GPR137C: variants seen among roughly 807,000 people sequenced by gnomAD.
GPR137C encodes the protein G protein-coupled receptor 137C.
GPR137C carries 27 observed loss-of-function variants against 43.4 expected under a neutral mutation model. The ratio of observed to expected loss-of-function variants is 0.62; its 90% CI spans 0.46 to 0.86. GPR137C has a LOEUF of 0.86. Among genes scored for constraint, GPR137C ranks in the 40% least tolerant of loss-of-function variants. GPR137C has a pLI of 0.00. For synonymous variants in GPR137C, 285 were observed against 226.9 expected (o/e 1.26, Z -2.30); for missense variants, 522 against 534.6 (o/e 0.98, Z 0.23).
At chr14:52,628,768 C>T (rs2039260248) in intron 3 of GPR137C, among the ~76,000 whole-genome samples, 1 of 152,070 alleles carries the variant, frequency 6.6e-6, no homozygotes, top group South Asian at 2.1e-4. Context: ...TGCACTCCAG[C>T]CTGGATGACA....
At chr14:52,605,023 A>T (rs572418017) in intron 3 of GPR137C, among the ~76,000 whole-genome samples, 1 of 152,180 alleles carries the variant, frequency 6.6e-6, no homozygotes, top group African/African-American at 2.4e-5. Context: ...TTTACTTAGG[A>T]TTGCTTTAGC....
chr14:52,628,120 A>G (rs895488939), intron 3 of GPR137C, among the ~76,000 whole-genome samples: 8 of 152,238 alleles, frequency 5.3e-5, no homozygotes, highest in African/African-American at 1.9e-4. Flanking sequence ...CTTAGTATAA[A>G]GCTACAATAA....
intron 1 of GPR137C, among the ~76,000 whole-genome samples, chr14:52,560,384 G>A (rs2038262127): frequency 6.6e-6 from 1 of 152,072 alleles, no homozygotes; most frequent in Admixed American, 6.6e-5. Context: ...AATTTTTGCA[G>A]GATATTTTGG....
chr14:52,562,582 G>C (rs981160670), intron 1 of GPR137C, among the ~76,000 whole-genome samples: 3 of 152,208 alleles, frequency 2.0e-5, no homozygotes, highest in Non-Finnish European at 2.9e-5. Context: ...AATGTATCGA[G>C]ACCCTGTCTC....
intron 3 of GPR137C, chr14:52,612,366 T>A: frequency 1.1e-6 from 1 of 929,898 alleles, no homozygotes; most frequent in Non-Finnish European, 1.3e-6. Flanking sequence ...AAATTAATTC[T>A]TATCCTACTG....
intron 1 of GPR137C, among the ~76,000 whole-genome samples, chr14:52,562,745 A>G (rs1293467846): frequency 1.3e-5 from 2 of 152,250 alleles, no homozygotes; most frequent in African/African-American, 4.8e-5. Flanking sequence ...TGAATTATGC[A>G]GCTAGGTTAG....
At chr14:52,634,494 T>A (rs2039330062) in intron 6 of GPR137C, among the ~76,000 whole-genome samples, 1 of 152,104 alleles carries the variant, frequency 6.6e-6, no homozygotes, top group Admixed American at 6.6e-5. Flanking sequence ...TAATCCTAAC[T>A]TCATCTGGGC....
chr14:52,597,073 A>C, intron 1 of GPR137C: 1 of 439,748 alleles, frequency 2.3e-6, no homozygotes, highest in Non-Finnish European at 4.6e-6. Context: ...ATGCACAGGC[A>C]TCTATCTTTG....
In GPR137C at chr14:52,553,599, G is replaced by A. The variant is rs749377591; in HGVS notation, c.444+8G>A. The A allele has an allele frequency of 1.3e-6, 2 of 1,555,952 alleles. No homozygotes were observed. Among genetic ancestry groups the A allele is most frequent in the East Asian group, 4.8e-5 (2 of 41,528 alleles). ...AACCTCTACCTGGCGGAGGTAAGGC[G>A]GGAGGGCCGGCATGCGGGGCCCGGG... On this transcript the variant is annotated splice_region_variant and intron_variant, in intron 1 of 6. Coordinates refer to ENST00000321662, the MANE Select transcript of GPR137C (RefSeq NM_001099652.2).
At chr14:52,561,577 C>T (rs1261481643) in intron 1 of GPR137C, among the ~76,000 whole-genome samples, 1 of 152,130 alleles carries the variant, frequency 6.6e-6, no homozygotes, top group Non-Finnish European at 1.5e-5. Flanking sequence ...GAAATTAACC[C>T]AGATGTTCAT....
chr14:52,600,082 A>G (rs2038905233), intron 2 of GPR137C, 31 bp from the exon 3 acceptor site: 1 of 1,378,124 alleles, frequency 7.3e-7, no homozygotes, highest in East Asian at 2.3e-5. Flanking sequence ...TATTAGTTAT[A>G]TAACCATCTA....
chr14:52,634,611 GCATACATACATA>G (rs367645018), intron 6 of GPR137C, among the ~76,000 whole-genome samples: 2 of 151,920 alleles, frequency 1.3e-5, no homozygotes, highest in African/African-American at 4.8e-5. Flanking sequence ...ATGTGTGTCT[GCATACATACATA>G]CATACATACA....
In GPR137C at chr14:52,598,261, T is replaced by A; in HGVS notation, c.445-11T>A. On this transcript the variant is annotated splice_polypyrimidine_tract_variant and intron_variant, in intron 1 of 6. Coordinates refer to ENST00000321662, the MANE Select transcript of GPR137C (RefSeq NM_001099652.2). ...CGTTTTCAAAATTTTTTTTTTATAT[T>A]CTCTTTATAGGTTATATGTAAAGTC... 2 of 1,233,314 alleles carry A rather than the reference T, an allele frequency of 1.6e-6. No individual in the cohort carries two copies. The highest frequency in any genetic ancestry group is 2.2e-6 in the Non-Finnish European group (2 of 902,726). 76.4% of individuals were successfully genotyped at this position (1,233,314 alleles called of 1,614,324 possible). A position where few individuals can be genotyped will look rare whatever the true frequency, so the allele number is the denominator to read the frequency against.
At chr14:52,562,038 AAGCAGGGAAGAAATGTACAACCTGC>A (rs2038292564) in intron 1 of GPR137C, among the ~76,000 whole-genome samples, 1 of 152,232 alleles carries the variant, frequency 6.6e-6, no homozygotes, top group Admixed American at 6.5e-5. Context: ...ATAAAAGCTG[AAGCAGGGAAGAAATGTACAACCTGC>A]AGCTCCATCA....
intron 1 of GPR137C, among the ~76,000 whole-genome samples, chr14:52,559,203 C>T (rs542449338): frequency 9.9e-5 from 15 of 152,056 alleles, no homozygotes; most frequent in Non-Finnish European, 1.8e-4. Context: ...GGTGAAACCC[C>T]GTCTCTACTA....
intron 3 of GPR137C, among the ~76,000 whole-genome samples, chr14:52,603,770 C>T (rs1029993183): frequency 6.6e-6 from 1 of 152,060 alleles, no homozygotes. Context: ...ACCTCCTGAC[C>T]TCAAGTAATC....
At position 52,553,481 on chromosome 14, in the gene GPR137C, T is replaced by C. The variant is rs368087789; in HGVS notation, c.334T>C (p.Leu112=). ...CTTCTCGCTCAGCGGCTCCCTGCCC[T>C]TGCTCCGGCCGCCCGCTCACCTGCA... ...AAFSLSGSLP[L]LRPPAHLHFF... is the part of the protein sequence containing the mutation. The change falls in exon 1 of 7, where the codon TTG becomes CTG. Residue 112 remains leucine, a synonymous_variant. Transcript: ENST00000321662. The C allele has an allele frequency of 1.4e-5, 22 of 1,608,786 alleles. No homozygotes were observed. Among genetic ancestry groups the C allele is most frequent in the Non-Finnish European group, 1.6e-5 (19 of 1,179,778 alleles).
At position 52,591,408 on chromosome 14, in the gene GPR137C, T is replaced by C. The variant is rs531822258; in HGVS notation, c.445-6864T>C. Among the ~76,000 whole-genome samples the C allele has an allele frequency of 2.0e-5, 3 of 152,354 alleles. No homozygotes were observed. The East Asian group carries it at 5.8e-4, about 29-fold the overall frequency. On this transcript the variant is annotated intron_variant, in intron 1 of 6. Coordinates refer to ENST00000321662, the MANE Select transcript of GPR137C (RefSeq NM_001099652.2). ...CCAGATCCTTGAGGAATCGCCACAC[T>C]GTCTTCCACAATGGTTGAACTAATT... is the stretch of plus-strand genomic sequence containing the variant.
chr14:52,577,497 T>TGCACGCGTGC (rs1258205558), intron 1 of GPR137C, among the ~76,000 whole-genome samples: 1 of 125,622 alleles, frequency 8.0e-6, no homozygotes, highest in African/African-American at 3.0e-5. Context: ...AGACCAAACA[T>TGCACGCGTGC]GCACGCGTGC....
Sources: allele counts gnomAD v4.1 joint callset (sites outside exome capture counted in the v4.1 genomes callset), GRCh38; gene constraint gnomAD v4.1.1; transcripts MANE v1.5; gene names NCBI Gene and HGNC (gene_info 2026-07-23, HGNC 2026-07-21).